The following ST6GAL1 variants were observed in gnomAD, a reference collection of about 807,000 sequenced individuals.
The protein encoded by ST6GAL1 is ST6 beta-galactoside alpha-2,6-sialyltransferase 1.
A neutral mutation model predicts 38.0 loss-of-function variants in ST6GAL1; 20 were observed. The observed-to-expected ratio is 0.53, with a 90% CI of 0.37 to 0.77. The LOEUF is 0.77. Among genes scored for constraint, ST6GAL1 ranks in the 30% least tolerant of loss-of-function variants. The pLI is 0.00. For synonymous variants in ST6GAL1, 196 were observed against 188.2 expected (o/e 1.04, Z -0.34); for missense variants, 432 against 496.4 (o/e 0.87, Z 1.23).
At chr3:187,002,895 G>A (rs1240688424) in intron 2 of ST6GAL1, among the ~76,000 whole-genome samples, 1 of 152,132 alleles carries the variant, frequency 6.6e-6, no homozygotes, top group Non-Finnish European at 1.5e-5. Context: ...TCAAATGCAA[G>A]AAGCAAGTTT....
chr3:187,007,459 A>T (rs1488839590), intron 2 of ST6GAL1, among the ~76,000 whole-genome samples: 1 of 152,232 alleles, frequency 6.6e-6, no homozygotes, highest in Non-Finnish European at 1.5e-5. Flanking sequence ...CAAATGGCAT[A>T]CCAAAAGCTT....
At chr3:186,989,791 A>AAT (rs1716090557) in intron 2 of ST6GAL1, among the ~76,000 whole-genome samples, 1 of 152,204 alleles carries the variant, frequency 6.6e-6, no homozygotes, top group South Asian at 2.1e-4. Flanking sequence ...AAAATAGCAG[A>AAT]ATAACTGAGG....
intron 1 of ST6GAL1, among the ~76,000 whole-genome samples, chr3:186,947,222 A>G (rs898506155): frequency 3.3e-5 from 5 of 152,208 alleles, no homozygotes; most frequent in Admixed American, 6.5e-5. Context: ...TAGCACAGGT[A>G]CAATTATCTC....
At chr3:186,967,090 A>G (rs1388923147) in intron 2 of ST6GAL1, among the ~76,000 whole-genome samples, 1 of 152,182 alleles carries the variant, frequency 6.6e-6, no homozygotes, top group Non-Finnish European at 1.5e-5. Flanking sequence ...CCGTTCTGTC[A>G]CCACTCATGT....
At chr3:187,054,930 CT>C (rs990171512) in intron 5 of ST6GAL1, among the ~76,000 whole-genome samples, 26 of 152,078 alleles carry the variant, frequency 1.7e-4, no homozygotes, top group Non-Finnish European at 3.2e-4. Flanking sequence ...TGGTCCTGGA[CT>C]TTTTTTGGTT....
At chr3:187,062,186 AG>A (rs113528447) in intron 5 of ST6GAL1, among the ~76,000 whole-genome samples, 15,105 of 152,172 alleles carry the variant, frequency 0.099, 2,493 homozygotes, top group African/African-American at 0.34. Context: ...CACCCCCATT[AG>A]GGTGGCTTCT....
chr3:186,950,504 G>C (rs1579263818), intron 1 of ST6GAL1, among the ~76,000 whole-genome samples: 2 of 152,316 alleles, frequency 1.3e-5, no homozygotes, highest in Admixed American at 1.3e-4. Flanking sequence ...CTCCTCAGAG[G>C]GAGTGGGACA....
chr3:187,029,650 A>T (rs1224590191), intron 2 of ST6GAL1, among the ~76,000 whole-genome samples: 3 of 152,230 alleles, frequency 2.0e-5, no homozygotes, highest in East Asian at 3.8e-4. Flanking sequence ...AGGGATCGCG[A>T]ACTTGAAGTG....
rs28578793 is a variant in ST6GAL1 at position 186,968,252 on chromosome 3, G to C, written c.-183+4326G>C. ...AGTTTCATCATCTGTAAAATGGGCC[G>C]AATAATACCTACCTTGAGTGAAGAT... On this transcript the variant is annotated intron_variant, in intron 2 of 7. Transcript: ENST00000169298. Among the ~76,000 whole-genome samples the C allele has an allele frequency of 5.9e-3, 900 of 152,176 alleles. 6 individuals are homozygous for C. Among genetic ancestry groups the C allele is most frequent in the African/African-American group, 0.021 (869 of 41,502 alleles).
chr3:187,043,978 T>G (rs1009735567), intron 4 of ST6GAL1: 3 of 152,244 alleles, frequency 2.0e-5, no homozygotes, highest in African/African-American at 7.2e-5. Flanking sequence ...TCCCTGCAAT[T>G]GCGTGCAAAA....
intron 1 of ST6GAL1, among the ~76,000 whole-genome samples, chr3:186,954,661 A>G (rs1579267596): frequency 6.7e-6 from 1 of 149,596 alleles, no homozygotes; most frequent in South Asian, 2.1e-4. Context: ...TCCTTTGCCC[A>G]CTTTTTAATG....
At chr3:186,984,968 G>T (rs572714203) in intron 2 of ST6GAL1, among the ~76,000 whole-genome samples, 2 of 151,700 alleles carry the variant, frequency 1.3e-5, no homozygotes, top group South Asian at 2.1e-4. Flanking sequence ...AAGTGCAGTG[G>T]CACGTTCTCG....
intron 4 of ST6GAL1, among the ~76,000 whole-genome samples, chr3:187,047,217 T>C (rs1718329805): frequency 1.3e-5 from 2 of 151,418 alleles, no homozygotes; most frequent in Admixed American, 1.3e-4. Flanking sequence ...AGTGCTGGGA[T>C]TACAGGTGTG....
intron 2 of ST6GAL1, among the ~76,000 whole-genome samples, chr3:186,974,225 G>A (rs1471612553): frequency 6.6e-6 from 1 of 152,172 alleles, no homozygotes; most frequent in Non-Finnish European, 1.5e-5. Context: ...CCACCCCAGG[G>A]CCCTCACCCC....
chr3:187,060,264 G>A (rs533219280), intron 5 of ST6GAL1, among the ~76,000 whole-genome samples: 3 of 152,242 alleles, frequency 2.0e-5, no homozygotes, highest in African/African-American at 7.2e-5. Flanking sequence ...GGGTTCAAGC[G>A]ATTCCCCTGC....
chr3:186,971,256 T>C (rs564569013), intron 2 of ST6GAL1, among the ~76,000 whole-genome samples: 1 of 151,880 alleles, frequency 6.6e-6, no homozygotes, highest in Non-Finnish European at 1.5e-5. Context: ...GCCTGGCTAA[T>C]TTTTTTGTAT....
At chr3:187,035,854 T>A (rs1717913179) in intron 2 of ST6GAL1, among the ~76,000 whole-genome samples, 1 of 151,362 alleles carries the variant, frequency 6.6e-6, no homozygotes, top group African/African-American at 2.4e-5. Context: ...GGGAAAGGAT[T>A]TATGACAAAG....
At chr3:186,962,024 T>G (rs915288097) in intron 1 of ST6GAL1, among the ~76,000 whole-genome samples, 1 of 152,204 alleles carries the variant, frequency 6.6e-6, no homozygotes, top group African/African-American at 2.4e-5. Context: ...CCCTGGCTCC[T>G]GGTGTTTTGT....
chr3:187,067,389 G>A (rs1222263107), intron 5 of ST6GAL1, among the ~76,000 whole-genome samples: 1 of 140,214 alleles, frequency 7.1e-6, no homozygotes, highest in Non-Finnish European at 1.5e-5. Flanking sequence ...ACCTGGCAAG[G>A]CAACCTTTTT....
Sources: gnomAD v4.1 joint callset for allele counts (sites outside exome capture counted in the v4.1 genomes callset) on GRCh38, gnomAD v4.1.1 for gene constraint, MANE v1.5 for transcripts, NCBI Gene and HGNC (gene_info 2026-07-23, HGNC 2026-07-21) for gene names.